ZNF605: variants seen among roughly 807,000 people sequenced by gnomAD.
The protein encoded by ZNF605 is zinc finger protein 605.
Under a neutral mutation model 7.9 loss-of-function variants are expected in ZNF605, and 9 were observed. The ratio of observed to expected loss-of-function variants is 1.14; its 90% CI spans 0.68 to 1.98. The LOEUF is 1.98. Ranked by LOEUF, ZNF605 falls within the 30% of genes most tolerant of loss-of-function variation. The pLI, the probability that ZNF605 is intolerant of heterozygous loss-of-function variation, is 0.00. For missense variants in ZNF605, 673 were observed against 762.4 expected (o/e 0.88, Z 1.38); for synonymous variants, 255 against 260.1 (o/e 0.98, Z 0.19).
intron 1 of ZNF605, among the ~76,000 whole-genome samples, chr12:132,954,244 C>T (rs1952606582): frequency 6.7e-6 from 1 of 148,494 alleles, no homozygotes; most frequent in African/African-American, 2.5e-5. Context: ...CACCAGCACC[C>T]CCAAAGCCCC....
In ZNF605 at chr12:132,923,780, T is replaced by G. The variant is rs773992338; in HGVS notation, c.*1593A>C. On this transcript the variant is annotated 3_prime_UTR_variant, in exon 5 of 5. Coordinates refer to ENST00000360187, the MANE Select transcript of ZNF605 (RefSeq NM_183238.4). ...CATTATTTATTCAAATACTTCTTCA[T>G]GCCTCTTCATTTTCTCCTCTCCTTC... The G allele has an allele frequency of 6.6e-6, 1 of 152,200 alleles. No individual in the cohort carries two copies. The highest frequency in any genetic ancestry group is 1.5e-5 in the Non-Finnish European group (1 of 68,024). 9.4% of individuals were successfully genotyped at this position (152,200 alleles called of 1,614,324 possible).
chr12:132,931,618 TTAA>T (rs1448096508), intron 4 of ZNF605, among the ~76,000 whole-genome samples: 13 of 151,932 alleles, frequency 8.6e-5, no homozygotes, highest in African/African-American at 2.7e-4. Flanking sequence ...TCAGATGGAG[TTAA>T]TAATGACTCT....
intron 3 of ZNF605, among the ~76,000 whole-genome samples, chr12:132,937,082 G>A (rs923605683): frequency 6.6e-6 from 1 of 152,120 alleles, no homozygotes; most frequent in African/African-American, 2.4e-5. Context: ...AAGGTGGCTG[G>A]GCGCGGTGGC....
At chr12:132,946,287 A>G (rs1255190629) in intron 2 of ZNF605, among the ~76,000 whole-genome samples, 2 of 152,210 alleles carry the variant, frequency 1.3e-5, no homozygotes, top group Non-Finnish European at 1.5e-5. Context: ...TTAGACGGAG[A>G]TGGATCAGCC....
At chr12:132,935,864 G>A (rs1471026855) in intron 3 of ZNF605, among the ~76,000 whole-genome samples, 1 of 138,028 alleles carries the variant, frequency 7.2e-6, no homozygotes, top group Admixed American at 7.9e-5. Flanking sequence ...CTGGACTCCA[G>A]CCTGGGTGAC....
chr12:132,927,579 T>C (rs1368692437), intron 4 of ZNF605, among the ~76,000 whole-genome samples: 4 of 152,146 alleles, frequency 2.6e-5, no homozygotes, highest in African/African-American at 7.2e-5. Context: ...TTAGCCAGGA[T>C]GGTCTCGATC....
At chr12:132,950,331 C>G (rs1306751319) in intron 1 of ZNF605, among the ~76,000 whole-genome samples, 2 of 152,110 alleles carry the variant, frequency 1.3e-5, no homozygotes, top group Non-Finnish European at 2.9e-5. Context: ...CACATTCACA[C>G]CGAAACTCTC....
chr12:132,933,013 A>C lies in ZNF605; in HGVS notation c.136+22T>G. The C allele has an allele frequency of 6.4e-7, 1 of 1,563,140 alleles. No individual in the cohort carries two copies. The highest frequency in any genetic ancestry group is 1.9e-5 in the Admixed American group (1 of 52,590). On this transcript the variant is annotated intron_variant, in intron 4 of 4. Transcript: ENST00000360187. This position sits in a 1 kb window ranked among gnomAD's most constrained non-coding sequence, Gnocchi z 4.4. ...CAGGCCAGTTACTGGCCATACACTA[A>C]GTTACATAAGAATGTTCTTACCCAA...
In ZNF605 at chr12:132,923,362, AAGACAGGTCTAC is replaced by A. The variant is rs1349923743; in HGVS notation, c.*1999_*2010del. 6.6e-6 allele frequency: 1 copy of A among 152,190 alleles called. No individual in the cohort carries two copies. Among genetic ancestry groups the A allele is most frequent in the Non-Finnish European group, 1.5e-5 (1 of 68,032 alleles). 9.4% of individuals were successfully genotyped at this position (152,190 alleles called of 1,614,324 possible). A position where few individuals can be genotyped will look rare whatever the true frequency, so the allele number is the denominator to read the frequency against. Reference sequence around the variant, plus strand: ...CTCAAACATCCTTTAATGTTTCCCAAAGACAGGTCTACAGGTAATAAAATTACCTTTGATTTA... The same window carrying A: ...CTCAAACATCCTTTAATGTTTCCCAAAGGTAATAAAATTACCTTTGATTTA... On this transcript the variant is annotated 3_prime_UTR_variant, in exon 5 of 5. Coordinates refer to ENST00000360187, the MANE Select transcript of ZNF605 (RefSeq NM_183238.4).
chr12:132,926,151 T>A lies in ZNF605; in HGVS notation c.1148A>T (p.His383Leu). 6.2e-7 allele frequency: 1 copy of A among 1,614,238 alleles called. No individual in the cohort carries two copies. The highest frequency in any genetic ancestry group is 8.5e-7 in the Non-Finnish European group (1 of 1,180,044). Residue 383 changes from histidine to leucine, a missense_variant, in exon 5 of 5, where the codon CAT (histidine) becomes CTT (leucine). Coordinates refer to ENST00000360187, the MANE Select transcript of ZNF605 (RefSeq NM_183238.4). ...CTTCTCTCCTGTGTGAGTTATCTGA[T>A]GTTTAATCAGCTGTGGTTTTCTGAT... The part of the protein sequence containing the change: ...AFIRKPQLIK[H>L]QITHTGEKNY...
chr12:132,951,084 C>G (rs938138062), intron 1 of ZNF605, among the ~76,000 whole-genome samples: 1 of 151,440 alleles, frequency 6.6e-6, no homozygotes, highest in Non-Finnish European at 1.5e-5. Flanking sequence ...CACACTGATA[C>G]GTACATCACG....
chr12:132,941,182 T>C lies in ZNF605; in HGVS notation c.15+4439A>G, dbSNP rs1271156404. On this transcript the variant is annotated intron_variant, in intron 3 of 4. Transcript: ENST00000360187. The surrounding 1 kb of genome is among the most constrained non-coding windows in gnomAD (Gnocchi z 5.1). ...ACTCCGGAGCAAGCAGATATGTGACTGACCGCCTCATGGAGCCATGAGAAA... is the reference window on the plus strand; with the variant it reads ...ACTCCGGAGCAAGCAGATATGTGACCGACCGCCTCATGGAGCCATGAGAAA... Among the ~76,000 whole-genome samples the C allele has an allele frequency of 1.3e-5, 2 of 152,034 alleles. No individual in the cohort carries two copies. The highest frequency in any genetic ancestry group is 1.9e-4 in the East Asian group (1 of 5,170).
In ZNF605 at chr12:132,925,815, T is replaced by C. The variant is rs1400046419; in HGVS notation, c.1484A>G (p.His495Arg). The C allele has an allele frequency of 6.2e-7, 1 of 1,614,202 alleles. No individual in the cohort carries two copies. Among genetic ancestry groups the C allele is most frequent in the East Asian group, 2.2e-5 (1 of 44,880 alleles). ...CTTTTCTCCAGTATGGGTTCTCTGA[T>C]GATGAATGAGACTTGACTTCTCACT... ...TFSEKSSLIH[H>R]QRTHTGEKPF... is the part of the protein sequence containing the mutation. Residue 495 changes from histidine to arginine, a missense_variant, in exon 5 of 5, where the codon CAT becomes CGT. Transcript: ENST00000360187.
In ZNF605 at chr12:132,932,087, C is replaced by A. The variant is rs372434300; in HGVS notation, c.136+948G>T. Among the ~76,000 whole-genome samples the A allele has an allele frequency of 1.6e-3, 247 of 152,202 alleles. 4 individuals are homozygous for A. In the East Asian group the frequency reaches 0.027, roughly 17 times the overall value. ...TAGAGGTGCACACCACCATATTTGG[C>A]TGAATTATTATTATTATTGTTAGGT... On this transcript the variant is annotated intron_variant, in intron 4 of 4. Coordinates refer to ENST00000360187, the MANE Select transcript of ZNF605 (RefSeq NM_183238.4).
Position 132,926,997 on chromosome 12 carries a change from C to G in ZNF605, c.302G>C (p.Ser101Thr). ...AAGCAAATCAAAAGGACATTTCAAA[C>G]TTTTTTCTCCTGTGCCACATTTATG... ...RSHKCGTGEKSLKCPFDLLIP... is the reference protein window; with the variant it reads ...RSHKCGTGEKTLKCPFDLLIP... Residue 101 changes from serine to threonine, a missense_variant, in exon 5 of 5, where the codon AGT (serine) becomes ACT (threonine). Transcript: ENST00000360187. The G allele has an allele frequency of 6.2e-7, 1 of 1,611,690 alleles. No homozygotes were observed. Among genetic ancestry groups the G allele is most frequent in the Admixed American group, 1.7e-5 (1 of 59,876 alleles).
rs1019621501 is a variant in ZNF605 at position 132,936,209 on chromosome 12, A to G, written c.16-3054T>C. On this transcript the variant is annotated intron_variant, in intron 3 of 4. Coordinates refer to ENST00000360187, the MANE Select transcript of ZNF605 (RefSeq NM_183238.4). The stretch of plus-strand genomic sequence containing the variant: ...CGAAAAATAATCAGAAGACTATAAA[A>G]ATGAATAAGCAGATTTGAAAAAAAT... 2.0e-5 allele frequency among the ~76,000 whole-genome samples: 3 copies of G among 152,084 alleles called. No individual in the cohort carries two copies. In the South Asian group the frequency reaches 6.2e-4, roughly 31 times the overall value.
Position 132,925,031 on chromosome 12 carries a change from A to T in ZNF605, c.*342T>A. 1 of 193,530 alleles carries T rather than the reference A, an allele frequency of 5.2e-6. No homozygotes were observed. Among genetic ancestry groups the T allele is most frequent in the Non-Finnish European group, 1.0e-5 (1 of 95,572 alleles). 12.0% of individuals were successfully genotyped at this position (193,530 alleles called of 1,614,324 possible). On this transcript the variant is annotated 3_prime_UTR_variant, in exon 5 of 5. Transcript: ENST00000360187. ...TTCTTGAAATCTTCCACTTTGTTAT[A>T]AAAAACAATAGAATTTTCTTCCTGT...
At chr12:132,942,159 G>GT (rs1460350182) in intron 3 of ZNF605, among the ~76,000 whole-genome samples, 2 of 152,118 alleles carry the variant, frequency 1.3e-5, no homozygotes, top group African/African-American at 4.8e-5. Context: ...GGACACACAG[G>GT]TAACAGAAAA....
chr12:132,952,905 C>T (rs1410695219), intron 1 of ZNF605, among the ~76,000 whole-genome samples: 1 of 152,002 alleles, frequency 6.6e-6, no homozygotes, highest in African/African-American at 2.4e-5. Context: ...GCTTCCAGAC[C>T]CACCAACACG....
Sources: gnomAD v4.1 joint callset for allele counts (sites outside exome capture counted in the v4.1 genomes callset) on GRCh38, gnomAD v4.1.1 for gene constraint, Gnocchi (gnomAD v3.1) non-coding constraint, MANE v1.5 for transcripts, NCBI Gene and HGNC (gene_info 2026-07-23, HGNC 2026-07-21) for gene names.